Variants in SWT1 observed in about 807,000 individuals in gnomAD.
The protein encoded by SWT1 is transcriptional protein SWT1.
A neutral mutation model predicts 107.3 loss-of-function variants in SWT1; 33 were observed. The ratio of observed to expected loss-of-function variants is 0.31; its 90% CI spans 0.23 to 0.41. The LOEUF is 0.41. Among genes scored for constraint, SWT1 ranks in the 10% least tolerant of loss-of-function variants. The pLI, the probability that SWT1 is intolerant of heterozygous loss-of-function variation, is 1.00. For synonymous variants in SWT1, 345 were observed against 348.3 expected (o/e 0.99, Z 0.11); for missense variants, 898 against 1,028.9 (o/e 0.87, Z 1.74).
chr1:185,264,855 A>G (rs1386915420), intron 16 of SWT1, among the ~76,000 whole-genome samples: 1 of 152,128 alleles, frequency 6.6e-6, no homozygotes, highest in Non-Finnish European at 1.5e-5. Context: ...CTTCTGCAAA[A>G]TTAACAGAAA....
At chr1:185,256,206 C>T (rs1347027719) in intron 16 of SWT1, among the ~76,000 whole-genome samples, 1 of 151,716 alleles carries the variant, frequency 6.6e-6, no homozygotes, top group Non-Finnish European at 1.5e-5. Flanking sequence ...CTCTGGCTGC[C>T]CTTAACATTT....
intron 16 of SWT1, among the ~76,000 whole-genome samples, chr1:185,250,020 G>A (rs1661893874): frequency 6.6e-6 from 1 of 152,086 alleles, no homozygotes; most frequent in African/African-American, 2.4e-5. Context: ...AATCTTTATT[G>A]GGATTCACTG....
At chr1:185,192,890 C>G (rs190454495) in intron 10 of SWT1, among the ~76,000 whole-genome samples, 4 of 152,070 alleles carry the variant, frequency 2.6e-5, no homozygotes, top group Admixed American at 6.6e-5. Context: ...TCAGATGATC[C>G]GGCCACCTCG....
intron 16 of SWT1, among the ~76,000 whole-genome samples, chr1:185,236,824 G>C (rs1334450450): frequency 1.3e-5 from 2 of 152,050 alleles, no homozygotes; most frequent in Non-Finnish European, 2.9e-5. Flanking sequence ...ATCTGACAAA[G>C]GGCTAATATC....
At chr1:185,263,038 C>T (rs1663138243) in intron 16 of SWT1, among the ~76,000 whole-genome samples, 1 of 152,152 alleles carries the variant, frequency 6.6e-6, no homozygotes, top group East Asian at 1.9e-4. Flanking sequence ...TCACCCGCCT[C>T]AGCCTTCTGA....
At chr1:185,160,994 C>A in intron 2 of SWT1, 69 bp downstream of exon 2, 1 of 1,079,136 alleles carries the variant, frequency 9.3e-7, no homozygotes, top group Non-Finnish European at 1.4e-6. Context: ...AAAAATACAC[C>A]TTACTATTAT....
chr1:185,247,581 A>G (rs1661703812), intron 16 of SWT1, among the ~76,000 whole-genome samples: 2 of 152,182 alleles, frequency 1.3e-5, no homozygotes, highest in Admixed American at 6.5e-5. Flanking sequence ...TATAAGGGAA[A>G]TTTTGTTGTA....
Position 185,160,912 on chromosome 1 carries a change from A to C in SWT1, c.71A>C (p.Asn24Thr). 2 of 1,611,526 alleles carry C rather than the reference A, an allele frequency of 1.2e-6. No individual in the cohort carries two copies. Among genetic ancestry groups the C allele is most frequent in the Non-Finnish European group, 1.7e-6 (2 of 1,178,826 alleles). ...QRKDTTTSSP[N>T]FGEKDKKERK... The stretch of plus-strand genomic sequence containing the variant: ...AAAGACACCACCACCTCATCACCCA[A>C]TTTTGGTGAAAAAGTAAGAATTTTG... The change falls in exon 2 of 19, where the codon AAT (asparagine) becomes ACT (threonine). Residue 24 changes from asparagine to threonine, a missense_variant. Physicochemically the swap from Asn to Thr is moderately conservative, Grantham distance 65. Transcript: ENST00000367500.
At chr1:185,222,479 G>A (rs780339908) in intron 15 of SWT1, among the ~76,000 whole-genome samples, 17 of 151,924 alleles carry the variant, frequency 1.1e-4, no homozygotes, top group Non-Finnish European at 2.1e-4. Context: ...CATTTAGGCC[G>A]GGCGTGGTGG....
intron 5 of SWT1, among the ~76,000 whole-genome samples, chr1:185,178,042 C>T (rs1430846030): frequency 6.6e-6 from 1 of 152,110 alleles, no homozygotes; most frequent in African/African-American, 2.4e-5. Flanking sequence ...TATGATTGTA[C>T]TATAGTGAAG....
chr1:185,169,643 A>G (rs752747199), intron 4 of SWT1, among the ~76,000 whole-genome samples: 30 of 152,172 alleles, frequency 2.0e-4, no homozygotes, highest in Non-Finnish European at 3.8e-4. Flanking sequence ...CTGTATTCCC[A>G]GCACTTTGGG....
chr1:185,253,561 C>T (rs1171025386), intron 16 of SWT1, among the ~76,000 whole-genome samples: 1 of 149,582 alleles, frequency 6.7e-6, no homozygotes, highest in African/African-American at 2.5e-5. Context: ...AATGGGAGTT[C>T]ACTCATGATT....
At chr1:185,263,908 G>C (rs1663201275) in intron 16 of SWT1, 1 of 152,164 alleles carries the variant, frequency 6.6e-6, no homozygotes, top group African/African-American at 2.4e-5. Context: ...TGGAGATAAG[G>C]GCTTCAACAT....
intron 16 of SWT1, among the ~76,000 whole-genome samples, chr1:185,232,572 A>G (rs1463113401): frequency 3.3e-5 from 5 of 152,158 alleles, no homozygotes; most frequent in Non-Finnish European, 7.4e-5. Context: ...TAATAGAGAT[A>G]TATATATGCA....
At chr1:185,182,874 G>A (rs566894864) in intron 7 of SWT1, among the ~76,000 whole-genome samples, 4 of 151,960 alleles carry the variant, frequency 2.6e-5, no homozygotes, top group Non-Finnish European at 5.9e-5. Flanking sequence ...GGTGGCTCAC[G>A]CCTGTAATCC....
chr1:185,164,876 A>G lies in SWT1; in HGVS notation c.85-1696A>G, dbSNP rs570269201. Reference sequence around the variant, plus strand: ...GGAGTAGTGCTTTTAATTTCCTTCAATAACTTTTCCTTTGCATTCATAACT... The same window carrying G: ...GGAGTAGTGCTTTTAATTTCCTTCAGTAACTTTTCCTTTGCATTCATAACT... On this transcript the variant is annotated intron_variant, in intron 2 of 18. Transcript: ENST00000367500. Among the ~76,000 whole-genome samples, 8 of 152,326 alleles carry G rather than the reference A, an allele frequency of 5.3e-5. 1 individual carries two copies. In the South Asian group the frequency reaches 1.4e-3, roughly 28 times the overall value.
chr1:185,251,655 A>G (rs1030466147), intron 16 of SWT1, among the ~76,000 whole-genome samples: 1 of 151,968 alleles, frequency 6.6e-6, no homozygotes, highest in Non-Finnish European at 1.5e-5. Context: ...ATACTGCTAG[A>G]CCAGCTTTTT....
At chr1:185,218,268 T>C (rs527736025) in intron 14 of SWT1, among the ~76,000 whole-genome samples, 26 of 152,292 alleles carry the variant, frequency 1.7e-4, no homozygotes, top group Middle Eastern at 6.8e-3. Flanking sequence ...TTTGATTGCT[T>C]TGAGAAACTA....
chr1:185,171,652 C>A, intron 4 of SWT1: 2 of 527,930 alleles, frequency 3.8e-6, no homozygotes, highest in Admixed American at 2.0e-5. Flanking sequence ...GAGTGAACTT[C>A]AGAACCTGCT....
Sources: allele counts gnomAD v4.1 joint callset (sites outside exome capture counted in the v4.1 genomes callset), GRCh38; gene constraint gnomAD v4.1.1; transcripts MANE v1.5; gene names NCBI Gene and HGNC (gene_info 2026-07-23, HGNC 2026-07-21).